The following HHAT variants were observed in gnomAD, a reference collection of about 807,000 sequenced individuals.
The protein encoded by HHAT is hedgehog acyltransferase.
HHAT carries 47 observed loss-of-function variants against 70.8 expected under a neutral mutation model. The ratio of observed to expected loss-of-function variants is 0.66; its 90% CI spans 0.53 to 0.85. The LOEUF is 0.85. Among genes scored for constraint, HHAT ranks in the 40% least tolerant of loss-of-function variants. The pLI is 0.00. For missense variants in HHAT, 609 were observed against 604.8 expected, an observed-to-expected ratio of 1.01 and a Z score of -0.07; for synonymous variants, 228 against 247.6, an observed-to-expected ratio of 0.92 and a Z score of 0.74.
intron 11 of HHAT, among the ~76,000 whole-genome samples, chr1:210,673,505 G>A (rs1680514954): frequency 6.6e-6 from 1 of 151,290 alleles, no homozygotes; most frequent in African/African-American, 2.4e-5. Context: ...TGTTTACAGT[G>A]CCACATGAGA....
Position 210,675,062 on chromosome 1 carries a change from T to C in HHAT, c.*683T>C, listed in dbSNP as rs958086119. The C allele has an allele frequency of 6.6e-6, 1 of 152,246 alleles. No individual in the cohort carries two copies. The highest frequency in any genetic ancestry group is 1.5e-5 in the Non-Finnish European group (1 of 68,072). 9.4% of individuals were successfully genotyped at this position (152,246 alleles called of 1,614,324 possible). On this transcript the variant is annotated 3_prime_UTR_variant, in exon 12 of 12. Transcript: ENST00000261458. Reference sequence around the variant, plus strand: ...TGTTTCTGAGATTTGCAGAGAAGTATAACATGGTAGTTCCTCTACCTTACA... The same window carrying C: ...TGTTTCTGAGATTTGCAGAGAAGTACAACATGGTAGTTCCTCTACCTTACA...
chr1:210,377,819 A>G (rs935915435), intron 3 of HHAT, among the ~76,000 whole-genome samples: 8 of 152,218 alleles, frequency 5.3e-5, no homozygotes, highest in African/African-American at 1.9e-4. Flanking sequence ...TGGGAATGGT[A>G]CACAGTAGAA....
rs2092785360 is a variant in HHAT at position 210,418,263 on chromosome 1, T to G, written c.794T>G (p.Met265Arg). 1.2e-6 allele frequency: 2 copies of G among 1,613,750 alleles called. No individual in the cohort carries two copies. Among genetic ancestry groups the G allele is most frequent in the Non-Finnish European group, 1.7e-6 (2 of 1,179,868 alleles). ...CTGGCCGAGCTGATGGCTCACCTGA[T>G]GTACATGCATGCCATCTACAGCAGC... is the stretch of plus-strand genomic sequence containing the variant. Reference protein sequence around the residue: ...WWLAELMAHLMYMHAIYSSIP... With the variant: ...WWLAELMAHLRYMHAIYSSIP... Residue 265 changes from methionine to arginine, a missense_variant, in exon 7 of 12, where the codon ATG becomes AGG. Coordinates refer to ENST00000261458, the MANE Select transcript of HHAT (RefSeq NM_018194.6).
chr1:210,449,245 T>G lies in HHAT; in HGVS notation c.857-15260T>G, dbSNP rs553437746. 1.3e-4 allele frequency among the ~76,000 whole-genome samples: 19 copies of G among 151,862 alleles called. No individual in the cohort carries two copies. The South Asian group carries it at 4.0e-3, about 32-fold the overall frequency. ...TCTCTATCTAGCTCCTTTTTCTGCC[T>G]TTTCCCCCCTTAGGAACAAAGCTCA... On this transcript the variant is annotated intron_variant, in intron 7 of 11. Coordinates refer to ENST00000261458, the MANE Select transcript of HHAT (RefSeq NM_018194.6).
At chr1:210,370,815 C>T (rs1042615531) in intron 3 of HHAT, among the ~76,000 whole-genome samples, 5 of 151,772 alleles carry the variant, frequency 3.3e-5, no homozygotes, top group African/African-American at 4.8e-5. Context: ...GGGGTTTCAC[C>T]GCATTAGTTA....
At chr1:210,468,244 T>A (rs142126063) in intron 8 of HHAT, among the ~76,000 whole-genome samples, 482 of 152,272 alleles carry the variant, frequency 3.2e-3, no homozygotes, top group African/African-American at 7.8e-3. Flanking sequence ...GTAATGAGCA[T>A]TTTTTGCCAG....
At chr1:210,420,431 A>G (rs1226370692) in intron 7 of HHAT, among the ~76,000 whole-genome samples, 1 of 152,110 alleles carries the variant, frequency 6.6e-6, no homozygotes, top group Non-Finnish European at 1.5e-5. Flanking sequence ...GGGTTTTGCT[A>G]TTCCATATAA....
intron 7 of HHAT, among the ~76,000 whole-genome samples, chr1:210,422,918 G>A (rs2092949243): frequency 6.6e-6 from 1 of 152,116 alleles, no homozygotes; most frequent in Admixed American, 6.6e-5. Flanking sequence ...ATTATAGGCA[G>A]GAGCCACCAT....
intron 11 of HHAT, among the ~76,000 whole-genome samples, chr1:210,665,089 T>A (rs1574099829): frequency 6.6e-6 from 1 of 152,326 alleles, no homozygotes; most frequent in African/African-American, 2.4e-5. Context: ...ATCAGTTTCA[T>A]ATTGGTCTTA....
rs191086699 is a variant in HHAT at position 210,631,094 on chromosome 1, T to A, written c.1390+7424T>A. On this transcript the variant is annotated intron_variant, in intron 11 of 11. Transcript: ENST00000261458. Reference sequence around the variant, plus strand: ...ATTTCTTACAAACAGAGGTACTGGCTACCTTTGTTCCCAACTATTTTTCCT... The same window carrying A: ...ATTTCTTACAAACAGAGGTACTGGCAACCTTTGTTCCCAACTATTTTTCCT... The A allele has an allele frequency of 5.1e-4, 235 of 456,736 alleles. 1 individual carries two copies. The highest frequency in any genetic ancestry group is 4.1e-3 in the African/African-American group (205 of 50,194). 28.3% of individuals were successfully genotyped at this position (456,736 alleles called of 1,614,324 possible). A position where few individuals can be genotyped will look rare whatever the true frequency, so the allele number is the denominator to read the frequency against.
At chr1:210,646,394 A>C (rs1674077144) in intron 11 of HHAT, among the ~76,000 whole-genome samples, 1 of 152,226 alleles carries the variant, frequency 6.6e-6, no homozygotes, top group Non-Finnish European at 1.5e-5. Context: ...CTCCAAAGGA[A>C]TGAATGAATG....
intron 11 of HHAT, among the ~76,000 whole-genome samples, chr1:210,673,795 T>G (rs1680628157): frequency 2.3e-5 from 3 of 130,660 alleles, no homozygotes; most frequent in African/African-American, 1.0e-4. Context: ...ATTTATTTAT[T>G]TATTTATTTA....
chr1:210,446,520 T>G (rs1429845922), intron 7 of HHAT, among the ~76,000 whole-genome samples: 1 of 152,148 alleles, frequency 6.6e-6, no homozygotes, highest in Non-Finnish European at 1.5e-5. Flanking sequence ...TTCATTGAGC[T>G]TAGAATAAAG....
At chr1:210,514,259 C>T (rs1006687138) in intron 9 of HHAT, among the ~76,000 whole-genome samples, 1 of 152,198 alleles carries the variant, frequency 6.6e-6, no homozygotes, top group African/African-American at 2.4e-5. Context: ...TCTCCTCGGC[C>T]TCCCCCATAC....
At chr1:210,441,851 CACTT>C (rs1275737041) in intron 7 of HHAT, among the ~76,000 whole-genome samples, 3 of 150,680 alleles carry the variant, frequency 2.0e-5, no homozygotes, top group African/African-American at 5.0e-5. Context: ...CACACACACA[CACTT>C]TTTTTTTATT....
At chr1:210,491,433 G>A (rs763396481) in intron 8 of HHAT, among the ~76,000 whole-genome samples, 2 of 152,142 alleles carry the variant, frequency 1.3e-5, no homozygotes, top group African/African-American at 4.8e-5. Context: ...CAGTAGTTAC[G>A]ACTTTGAGCC....
intron 4 of HHAT, among the ~76,000 whole-genome samples, chr1:210,395,893 A>G (rs561788633): frequency 6.6e-6 from 1 of 152,310 alleles, no homozygotes; most frequent in Admixed American, 6.5e-5. Flanking sequence ...TCCATCCAAT[A>G]GTTATGAAAC....
intron 4 of HHAT, 108 bp from the exon 5 acceptor site, chr1:210,400,360 T>G: frequency 1.0e-6 from 1 of 999,900 alleles, no homozygotes; most frequent in Non-Finnish European, 1.4e-6. Context: ...AACGTGATCC[T>G]CTTACATGTA....
chr1:210,530,317 C>T (rs1205814966), intron 9 of HHAT, among the ~76,000 whole-genome samples: 1 of 152,124 alleles, frequency 6.6e-6, no homozygotes, highest in Non-Finnish European at 1.5e-5. Context: ...AAATACATAT[C>T]AGCCTTTACC....
Sources: allele counts gnomAD v4.1 joint callset (sites outside exome capture counted in the v4.1 genomes callset), GRCh38; gene constraint gnomAD v4.1.1; transcripts MANE v1.5; gene names NCBI Gene and HGNC (gene_info 2026-07-23, HGNC 2026-07-21).